Variants in CBFA2T3 observed in about 807,000 individuals in gnomAD.
CBFA2T3 encodes the protein transcriptional corepressor CBFA2T3.
Under a neutral mutation model 58.6 loss-of-function variants are expected in CBFA2T3, and 31 were observed. The observed-to-expected ratio is 0.53, with a 90% CI of 0.40 to 0.71. The LOEUF (loss-of-function observed/expected upper bound fraction) is 0.71. Among genes scored for constraint, CBFA2T3 ranks in the 30% least tolerant of loss-of-function variants. The pLI, the probability that CBFA2T3 is intolerant of heterozygous loss-of-function variation, is 0.00. For missense variants in CBFA2T3, 1,076 were observed against 963.1 expected (o/e 1.12, Z -1.55); for synonymous variants, 531 against 421.9 (o/e 1.26, Z -3.17).
chr16:88,889,051 G>A (rs985976983), intron 5 of CBFA2T3, among the ~76,000 whole-genome samples: 4 of 151,956 alleles, frequency 2.6e-5, no homozygotes, highest in Non-Finnish European at 5.9e-5. Context: ...CTGATCCTCA[G>A]TTAAGCAAGG....
chr16:88,878,007 T>C (rs1968905808), intron 11 of CBFA2T3, among the ~76,000 whole-genome samples: 1 of 152,148 alleles, frequency 6.6e-6, no homozygotes, highest in South Asian at 2.1e-4. Flanking sequence ...TCACTGCCAC[T>C]GCAGCAGCAG....
intron 1 of CBFA2T3, among the ~76,000 whole-genome samples, chr16:88,928,058 G>A (rs929518003): frequency 6.6e-6 from 1 of 152,176 alleles, no homozygotes; most frequent in African/African-American, 2.4e-5. Flanking sequence ...CCCAAGCCGA[G>A]CCTTTGAACC....
intron 3 of CBFA2T3, among the ~76,000 whole-genome samples, chr16:88,895,770 G>A (rs565657214): frequency 6.6e-6 from 1 of 152,336 alleles, no homozygotes; most frequent in South Asian, 2.1e-4. Flanking sequence ...CACCAGCGTG[G>A]TGAGGAAGTC....
chr16:88,974,357 C>T (rs949802476), intron 1 of CBFA2T3, among the ~76,000 whole-genome samples: 32 of 152,144 alleles, frequency 2.1e-4, no homozygotes, highest in Non-Finnish European at 4.1e-4. Flanking sequence ...TCCAGACCCT[C>T]CGCGTGAGGG....
At chr16:88,971,885 C>G (rs993035722) in intron 1 of CBFA2T3, among the ~76,000 whole-genome samples, 4 of 152,206 alleles carry the variant, frequency 2.6e-5, no homozygotes, top group African/African-American at 9.7e-5. Context: ...AGTGAAAGTG[C>G]CGGAAAACCC....
chr16:88,904,482 G>A (rs888188828), intron 1 of CBFA2T3, among the ~76,000 whole-genome samples: 1 of 152,224 alleles, frequency 6.6e-6, no homozygotes, highest in African/African-American at 2.4e-5. Flanking sequence ...GACTCGGCAG[G>A]ACTCCAAAGT....
intron 1 of CBFA2T3, among the ~76,000 whole-genome samples, chr16:88,961,246 C>G (rs1870271): frequency 6.6e-6 from 1 of 151,960 alleles, no homozygotes. Context: ...AGGGGGCGCA[C>G]GGGGAGTGAC....
At chr16:88,880,875 G>T in intron 9 of CBFA2T3, 87 bp from the exon 10 acceptor site, 1 of 1,225,682 alleles carries the variant, frequency 8.2e-7, no homozygotes, top group Non-Finnish European at 1.2e-6. Context: ...TGGGCCCTGA[G>T]TGCAGGGCGT....
At chr16:88,966,289 G>C (rs867739876) in intron 1 of CBFA2T3, among the ~76,000 whole-genome samples, 1 of 152,236 alleles carries the variant, frequency 6.6e-6, no homozygotes, top group African/African-American at 2.4e-5. Context: ...CCAGCTAACA[G>C]GGCTGCCATT....
intron 1 of CBFA2T3, chr16:88,939,472 C>T (rs1466980784): frequency 1.3e-5 from 2 of 152,346 alleles, no homozygotes; most frequent in African/African-American, 4.8e-5. Context: ...TCTGTTCCTC[C>T]TGCTCTGGGC....
At chr16:88,895,889 C>T (rs926882372) in intron 3 of CBFA2T3, among the ~76,000 whole-genome samples, 1 of 152,180 alleles carries the variant, frequency 6.6e-6, no homozygotes, top group African/African-American at 2.4e-5. Flanking sequence ...CGGCGCCTAG[C>T]CTCAGTTTCT....
At chr16:88,910,664 C>T (rs1373184363) in intron 1 of CBFA2T3, among the ~76,000 whole-genome samples, 1 of 152,222 alleles carries the variant, frequency 6.6e-6, no homozygotes, top group Non-Finnish European at 1.5e-5. Flanking sequence ...CTGTGCCACT[C>T]TCTGGTGCCC....
intron 1 of CBFA2T3, among the ~76,000 whole-genome samples, chr16:88,916,671 G>A (rs1284678157): frequency 6.6e-6 from 1 of 152,026 alleles, no homozygotes; most frequent in Non-Finnish European, 1.5e-5. Context: ...GGGGGATGGG[G>A]GGCTCCTTTG....
chr16:88,890,931 C>G (rs1348732369), intron 5 of CBFA2T3, among the ~76,000 whole-genome samples: 1 of 152,158 alleles, frequency 6.6e-6, no homozygotes, highest in African/African-American at 2.4e-5. Flanking sequence ...CCAGGCTGGT[C>G]TTGAACTCCT....
At chr16:88,944,336 CAAAAAAAA>C (rs767482759) in intron 1 of CBFA2T3, among the ~76,000 whole-genome samples, 1 of 42,318 alleles carries the variant, frequency 2.4e-5, no homozygotes, top group Non-Finnish European at 4.9e-5. Context: ...GACTCCATCT[CAAAAAAAA>C]AAAAAAAAAA....
rs1361459640 is a variant in CBFA2T3 at position 88,950,008 on chromosome 16, A to T, written c.151+26649T>A. ...TGGGTGACAGAGATTCTGTCTGAAA[A>T]AAAAGAAAAGAAAACGAAGGAACGA... On this transcript the variant is annotated intron_variant, in intron 1 of 11. Transcript: ENST00000268679. 2.6e-5 allele frequency among the ~76,000 whole-genome samples: 4 copies of T among 152,132 alleles called. No individual in the cohort carries two copies. In the East Asian group the frequency reaches 7.7e-4, roughly 29 times the overall value.
intron 1 of CBFA2T3, among the ~76,000 whole-genome samples, chr16:88,929,163 T>C (rs2142760065): frequency 6.6e-6 from 1 of 152,268 alleles, no homozygotes; most frequent in African/African-American, 2.4e-5. Context: ...AGAGAGCAGG[T>C]GCTGGAGAGA....
chr16:88,930,543 C>T (rs889890492), intron 1 of CBFA2T3, among the ~76,000 whole-genome samples: 14 of 151,502 alleles, frequency 9.2e-5, no homozygotes, highest in South Asian at 4.2e-4. Flanking sequence ...GGCTCCAGTG[C>T]GGGGAGCCAC....
At chr16:88,915,052 G>A (rs1970648030) in intron 1 of CBFA2T3, among the ~76,000 whole-genome samples, 1 of 151,436 alleles carries the variant, frequency 6.6e-6, no homozygotes, top group South Asian at 2.1e-4. Flanking sequence ...ACCCAGCACT[G>A]GCCCTGGCAC....
Sources: allele counts gnomAD v4.1 joint callset (sites outside exome capture counted in the v4.1 genomes callset), GRCh38; gene constraint gnomAD v4.1.1; transcripts MANE v1.5; gene names NCBI Gene and HGNC (gene_info 2026-07-23, HGNC 2026-07-21).